Variants in SHANK2 observed in about 807,000 individuals in gnomAD.
The protein encoded by SHANK2 is SH3 and multiple ankyrin repeat domains protein 2.
SHANK2 carries 43 observed loss-of-function variants against 133.7 expected under a neutral mutation model. That is an observed-to-expected ratio of 0.32 (90% CI 0.25 to 0.41). The LOEUF (loss-of-function observed/expected upper bound fraction) is 0.41, where lower values mean the gene tolerates loss of function less well. Among genes scored for constraint, SHANK2 ranks in the 10% least tolerant of loss-of-function variants. SHANK2 has a pLI of 1.00. For missense variants in SHANK2, 1,994 were observed against 2,235.8 expected (o/e 0.89, Z 2.18); for synonymous variants, 1,017 against 952.8 (o/e 1.07, Z -1.24).
At chr11:71,119,598 C>A (rs1345075137) in intron 3 of SHANK2, among the ~76,000 whole-genome samples, 11 of 134,544 alleles carry the variant, frequency 8.2e-5, no homozygotes, top group East Asian at 2.1e-4. Context: ...AAAAAAAATT[C>A]TCTAGCCCTC....
At chr11:71,065,048 GA>G (rs1211915639) in intron 9 of SHANK2, among the ~76,000 whole-genome samples, 1 of 152,198 alleles carries the variant, frequency 6.6e-6, no homozygotes, top group Non-Finnish European at 1.5e-5. Flanking sequence ...CAGACGCCGA[GA>G]GATGCCACAG....
intron 17 of SHANK2, among the ~76,000 whole-genome samples, chr11:70,591,108 G>A (rs1591619929): frequency 1.3e-5 from 2 of 152,230 alleles, no homozygotes; most frequent in South Asian, 2.1e-4. Flanking sequence ...TTGGGAGGCC[G>A]AGGTGGGCGG....
intron 11 of SHANK2, among the ~76,000 whole-genome samples, chr11:70,874,867 G>A (rs1170092445): frequency 1.3e-5 from 2 of 152,106 alleles, no homozygotes; most frequent in Admixed American, 1.3e-4. Context: ...CAGGAATGGT[G>A]ATCACAGGGC....
intron 14 of SHANK2, among the ~76,000 whole-genome samples, chr11:70,743,305 G>A (rs1413641145): frequency 2.0e-5 from 3 of 152,214 alleles, no homozygotes; most frequent in Non-Finnish European, 4.4e-5. Context: ...GTCTGGAGGT[G>A]GGGGCTTTGG....
At chr11:71,107,394 A>T (rs903811710) in intron 6 of SHANK2, among the ~76,000 whole-genome samples, 4 of 152,152 alleles carry the variant, frequency 2.6e-5, no homozygotes, top group Non-Finnish European at 1.5e-5. Context: ...GGAGCCACTT[A>T]TCGGGGACCT....
intron 11 of SHANK2, among the ~76,000 whole-genome samples, chr11:70,852,334 C>G (rs147252347): frequency 6.6e-6 from 1 of 152,352 alleles, no homozygotes; most frequent in East Asian, 1.9e-4. Flanking sequence ...AAGGCCATCC[C>G]AGAGAAGCCC....
At chr11:70,654,394 C>T (rs1205616982) in intron 17 of SHANK2, 1 of 152,190 alleles carries the variant, frequency 6.6e-6, no homozygotes, top group Non-Finnish European at 1.5e-5. Context: ...GGATACTTTT[C>T]AAAATATGAA....
intron 14 of SHANK2, among the ~76,000 whole-genome samples, chr11:70,792,443 C>A (rs1260588863): frequency 6.6e-6 from 1 of 151,692 alleles, no homozygotes; most frequent in East Asian, 1.9e-4. Flanking sequence ...AACCAACCAA[C>A]CAACGAGGAC....
chr11:70,865,244 T>A (rs1225100907), intron 11 of SHANK2: 1 of 152,092 alleles, frequency 6.6e-6, no homozygotes, highest in Non-Finnish European at 1.5e-5. Flanking sequence ...CAGACCTGCA[T>A]CCCACCACAG....
chr11:70,952,753 G>T (rs1412771701), intron 10 of SHANK2: 1 of 385,126 alleles, frequency 2.6e-6, no homozygotes, highest in Non-Finnish European at 5.6e-6. Context: ...CGTGTGTCCG[G>T]GGGGGCCTGA....
At chr11:71,228,436 T>G (rs1954680077) in intron 1 of SHANK2, among the ~76,000 whole-genome samples, 2 of 152,218 alleles carry the variant, frequency 1.3e-5, no homozygotes, top group African/African-American at 2.4e-5. Context: ...ACTACCTTGA[T>G]ACCAAAGCCA....
intron 17 of SHANK2, among the ~76,000 whole-genome samples, chr11:70,530,946 G>A (rs576182685): frequency 9.9e-4 from 150 of 151,984 alleles, no homozygotes; most frequent in African/African-American, 3.5e-3. Flanking sequence ...CGGGTGGATC[G>A]TTTGAGGCCA....
At chr11:71,114,662 G>T (rs1381373785) in intron 4 of SHANK2, among the ~76,000 whole-genome samples, 1 of 152,136 alleles carries the variant, frequency 6.6e-6, no homozygotes, top group Non-Finnish European at 1.5e-5. Flanking sequence ...GAGCAGGCAG[G>T]AGGAGCTACA....
At chr11:70,834,319 C>T (rs983263882) in intron 11 of SHANK2, among the ~76,000 whole-genome samples, 1 of 152,200 alleles carries the variant, frequency 6.6e-6, no homozygotes, top group Admixed American at 6.5e-5. Context: ...ACAAAATACA[C>T]AGGAGGTGGC....
chr11:70,828,492 G>C (rs1243964414), intron 11 of SHANK2, among the ~76,000 whole-genome samples: 2 of 152,238 alleles, frequency 1.3e-5, no homozygotes, highest in Non-Finnish European at 2.9e-5. Flanking sequence ...GTGTCCCACA[G>C]AGTTCATGCA....
At chr11:71,245,322 A>G (rs1274041217) in intron 1 of SHANK2, among the ~76,000 whole-genome samples, 6 of 152,212 alleles carry the variant, frequency 3.9e-5, no homozygotes, top group African/African-American at 1.4e-4. Context: ...TGTTATCCAT[A>G]AAAACACATT....
intron 17 of SHANK2, among the ~76,000 whole-genome samples, chr11:70,652,146 T>A (rs2061345759): frequency 6.6e-6 from 1 of 152,248 alleles, no homozygotes; most frequent in South Asian, 2.1e-4. Context: ...GCCAGACCCA[T>A]GCCAACAGAG....
At chr11:71,151,220 G>A (rs1464309160) in intron 2 of SHANK2, among the ~76,000 whole-genome samples, 1 of 152,072 alleles carries the variant, frequency 6.6e-6, no homozygotes, top group Non-Finnish European at 1.5e-5. Context: ...ATAACTGGGG[G>A]GCCCTGTGAG....
intron 17 of SHANK2, among the ~76,000 whole-genome samples, chr11:70,619,691 T>C (rs2136444455): frequency 6.6e-6 from 1 of 152,292 alleles, no homozygotes; most frequent in East Asian, 1.9e-4. Context: ...CAGGGACCCT[T>C]CCAGGCAGTG....
Sources: allele counts gnomAD v4.1 joint callset (sites outside exome capture counted in the v4.1 genomes callset), GRCh38; gene constraint gnomAD v4.1.1; transcripts MANE v1.5; gene names NCBI Gene and HGNC (gene_info 2026-07-23, HGNC 2026-07-21).